ASPH: variants seen among roughly 807,000 people sequenced by gnomAD.
The protein encoded by ASPH is aspartate beta-hydroxylase.
A neutral mutation model predicts 118.4 loss-of-function variants in ASPH; 100 were observed. The ratio of observed to expected loss-of-function variants is 0.84; its 90% confidence interval spans 0.72 to 1.00. The LOEUF is 1.00. Ranked by LOEUF, ASPH falls within the 50% of genes least tolerant of loss-of-function variation. The pLI is 0.00. For synonymous variants in ASPH, 315 were observed against 325.6 expected (o/e 0.97, Z 0.35); for missense variants, 920 against 919.5 (o/e 1.00, Z -0.01).
chr8:61,547,955 T>C, intron 21 of ASPH, 116 bp downstream of exon 21: 1 of 1,386,922 alleles, frequency 7.2e-7, no homozygotes, highest in South Asian at 1.5e-5. Context: ...TTTGCAAATG[T>C]CACTAGAAAT....
intron 13 of ASPH, among the ~76,000 whole-genome samples, chr8:61,627,242 T>G (rs1220379481): frequency 1.2e-4 from 19 of 152,166 alleles, no homozygotes; most frequent in Admixed American, 1.2e-3. Flanking sequence ...TTAAAAACTG[T>G]AGGAAATAGT....
intron 3 of ASPH, among the ~76,000 whole-genome samples, chr8:61,666,424 G>A (rs2151372178): frequency 6.6e-6 from 1 of 152,296 alleles, no homozygotes; most frequent in Middle Eastern, 3.4e-3. Context: ...ACTCTCATAA[G>A]GAAATCATAA....
intron 3 of ASPH, chr8:61,657,178 C>G (rs1261828972): frequency 1.3e-5 from 2 of 152,172 alleles, no homozygotes; most frequent in East Asian, 3.9e-4. Flanking sequence ...GGCAAAAGGA[C>G]TCACTGATAA....
At chr8:61,555,537 C>T (rs1029632358) in intron 19 of ASPH, among the ~76,000 whole-genome samples, 37 of 152,248 alleles carry the variant, frequency 2.4e-4, no homozygotes, top group Middle Eastern at 3.4e-3. Flanking sequence ...CAGGTGACCA[C>T]CCACCTTGGC....
chr8:61,554,871 C>G (rs1331017781), intron 19 of ASPH, among the ~76,000 whole-genome samples: 1 of 152,314 alleles, frequency 6.6e-6, no homozygotes, highest in African/African-American at 2.4e-5. Context: ...GCCACCACAT[C>G]TGGTTGATTT....
At chr8:61,515,186 C>T (rs112924047) in intron 24 of ASPH, among the ~76,000 whole-genome samples, 2,381 of 152,278 alleles carry the variant, frequency 0.016, 33 homozygotes, top group Middle Eastern at 0.027. Flanking sequence ...TCTCCACTGC[C>T]TCATGCTCTC....
intron 13 of ASPH, among the ~76,000 whole-genome samples, chr8:61,632,294 A>AT (rs1304697762): frequency 6.6e-6 from 1 of 152,230 alleles, no homozygotes; most frequent in Non-Finnish European, 1.5e-5. Context: ...ATTATCTTTC[A>AT]TATCTTCACA....
At chr8:61,629,630 A>C (rs2150708491) in intron 13 of ASPH, among the ~76,000 whole-genome samples, 1 of 152,370 alleles carries the variant, frequency 6.6e-6, no homozygotes, top group South Asian at 2.1e-4. Context: ...GCAAGAAAGA[A>C]GGCAGAATGC....
chr8:61,562,293 T>TG (rs75259009), intron 18 of ASPH, among the ~76,000 whole-genome samples: 1 of 144,626 alleles, frequency 6.9e-6, no homozygotes, highest in East Asian at 2.1e-4. Context: ...TGCTGAAAAG[T>TG]AATTTATGTC....
At chr8:61,631,254 A>AT (rs1428091748) in intron 13 of ASPH, among the ~76,000 whole-genome samples, 12 of 152,196 alleles carry the variant, frequency 7.9e-5, no homozygotes, top group Admixed American at 2.0e-4. Context: ...CAGTGTTTAT[A>AT]AAATCTACAG....
At chr8:61,553,323 A>G (rs1480022621) in intron 19 of ASPH, among the ~76,000 whole-genome samples, 4 of 152,266 alleles carry the variant, frequency 2.6e-5, no homozygotes, top group Non-Finnish European at 5.9e-5. Flanking sequence ...AAATTTAACA[A>G]TGCATTCATC....
At chr8:61,574,219 GA>G (rs1834370298) in intron 16 of ASPH, among the ~76,000 whole-genome samples, 1 of 152,202 alleles carries the variant, frequency 6.6e-6, no homozygotes, top group Admixed American at 6.5e-5. Context: ...AGAAGATGTG[GA>G]AAAATAGGAA....
At chr8:61,661,941 T>G in intron 3 of ASPH, 1 of 452,122 alleles carries the variant, frequency 2.2e-6, no homozygotes, top group Non-Finnish European at 3.9e-6. Flanking sequence ...AAAATAAAAT[T>G]GAAAGACTTG....
At chr8:61,661,383 T>C (rs906258805) in intron 3 of ASPH, 1 of 152,236 alleles carries the variant, frequency 6.6e-6, no homozygotes, top group Non-Finnish European at 1.5e-5. Context: ...TGTTTACACA[T>C]ATGCAACATT....
chr8:61,695,069 T>G (rs1406730194), intron 1 of ASPH, among the ~76,000 whole-genome samples: 1 of 152,224 alleles, frequency 6.6e-6, no homozygotes, highest in Non-Finnish European at 1.5e-5. Context: ...CCTTGTCCAT[T>G]TACCACAGCA....
chr8:61,545,848 C>A (rs920215297), intron 21 of ASPH, among the ~76,000 whole-genome samples: 4 of 152,138 alleles, frequency 2.6e-5, no homozygotes, highest in Non-Finnish European at 5.9e-5. Flanking sequence ...AATCTCATAT[C>A]CCCCTGCCAG....
intron 3 of ASPH, chr8:61,675,851 A>C (rs1825008378): frequency 3.7e-6 from 5 of 1,341,336 alleles, no homozygotes; most frequent in African/African-American, 1.5e-5. Flanking sequence ...TTTGTAGCTG[A>C]CTACAAGAAT....
At chr8:61,597,964 T>C (rs923415600) in intron 14 of ASPH, among the ~76,000 whole-genome samples, 1 of 152,124 alleles carries the variant, frequency 6.6e-6, no homozygotes, top group African/African-American at 2.4e-5. Context: ...AACTCACTAG[T>C]AGAGCAGACA....
chr8:61,527,283 G>C (rs1167540907), intron 21 of ASPH, among the ~76,000 whole-genome samples: 1 of 152,142 alleles, frequency 6.6e-6, no homozygotes, highest in Non-Finnish European at 1.5e-5. Context: ...ATCAATTATT[G>C]GTTAGAGCAA....
Sources: allele counts gnomAD v4.1 joint callset (sites outside exome capture counted in the v4.1 genomes callset), GRCh38; gene constraint gnomAD v4.1.1; transcripts MANE v1.5; gene names NCBI Gene and HGNC (gene_info 2026-07-23, HGNC 2026-07-21).